Variants in SNX29 observed in about 807,000 individuals in gnomAD.
SNX29 encodes the protein sorting nexin-29.
SNX29 carries 78 observed loss-of-function variants against 102.1 expected under a neutral mutation model. The ratio of observed to expected loss-of-function variants is 0.76; its 90% CI spans 0.64 to 0.92. The LOEUF (loss-of-function observed/expected upper bound fraction) is 0.92. Ranked by LOEUF, SNX29 falls within the 40% of genes least tolerant of loss-of-function variation. The pLI, the probability that SNX29 is intolerant of heterozygous loss-of-function variation, is 0.00. For synonymous variants in SNX29, 580 were observed against 414.5 expected (o/e 1.40, Z -4.85); for missense variants, 1,280 against 1,061.7 (o/e 1.21, Z -2.86).
intron 14 of SNX29, among the ~76,000 whole-genome samples, chr16:12,241,441 T>C (rs1465207035): frequency 6.6e-6 from 1 of 152,106 alleles, no homozygotes; most frequent in Non-Finnish European, 1.5e-5. Context: ...TGTTGGTCTG[T>C]CTGTATTTCT....
intron 5 of SNX29, among the ~76,000 whole-genome samples, chr16:12,045,787 C>G (rs2050063534): frequency 6.6e-6 from 1 of 151,928 alleles, no homozygotes; most frequent in Admixed American, 6.6e-5. Flanking sequence ...CCATGCCTGG[C>G]TAATTTTTTA....
chr16:12,436,021 G>A (rs1253714937), intron 18 of SNX29, among the ~76,000 whole-genome samples: 1 of 152,202 alleles, frequency 6.6e-6, no homozygotes. Flanking sequence ...TGCTCCTGGG[G>A]CAGCTGCTAG....
intron 19 of SNX29, among the ~76,000 whole-genome samples, chr16:12,500,235 C>T (rs547457577): frequency 1.3e-4 from 20 of 152,242 alleles, no homozygotes; most frequent in Non-Finnish European, 8.8e-5. Context: ...TGGACTCAAG[C>T]AAACCTCGTG....
chr16:12,319,023 G>A (rs1022004355), intron 15 of SNX29, among the ~76,000 whole-genome samples: 11 of 152,148 alleles, frequency 7.2e-5, no homozygotes, highest in Admixed American at 2.0e-4. Context: ...AAACTTGTTT[G>A]TGGAGGCCTG....
chr16:12,508,063 C>A (rs147204839), intron 19 of SNX29, among the ~76,000 whole-genome samples: 1 of 152,248 alleles, frequency 6.6e-6, no homozygotes, highest in African/African-American at 2.4e-5. Context: ...TAATTGATCT[C>A]TGTGAGTTTC....
At chr16:12,094,235 G>A (rs4781178) in intron 11 of SNX29, among the ~76,000 whole-genome samples, 8,094 of 152,186 alleles carry the variant, frequency 0.053, 239 homozygotes, top group African/African-American at 0.069. Context: ...CTGAGCTATC[G>A]AAGGGTGTTA....
At chr16:12,120,280 G>C (rs2053917590) in intron 11 of SNX29, among the ~76,000 whole-genome samples, 2 of 152,322 alleles carry the variant, frequency 1.3e-5, no homozygotes, top group South Asian at 4.1e-4. Context: ...GTGCCCTCAT[G>C]AGCTCTGTCT....
At chr16:12,235,514 T>C (rs2077899902) in intron 14 of SNX29, among the ~76,000 whole-genome samples, 1 of 152,158 alleles carries the variant, frequency 6.6e-6, no homozygotes, top group Non-Finnish European at 1.5e-5. Flanking sequence ...AGGAGTTTTA[T>C]TATGGAAATC....
rs749955365 is a variant in SNX29, at chr16:12,573,262, C to G, written c.*4633C>G. ...TGAAATGTACCTCGATCAGTCATCT[C>G]TGGTATTCCTCACTCTAGCCATGAG... On this transcript the variant is annotated 3_prime_UTR_variant, in exon 21 of 21. Transcript: ENST00000566228. 9.2e-5 allele frequency: 21 copies of G among 227,500 alleles called. No homozygotes were observed. Among genetic ancestry groups the G allele is most frequent in the Middle Eastern group, 1.3e-3 (1 of 772 alleles). 14.1% of individuals were successfully genotyped at this position (227,500 alleles called of 1,614,324 possible).
chr16:12,400,135 A>G (rs7187313), intron 17 of SNX29, among the ~76,000 whole-genome samples: 77,347 of 151,854 alleles, frequency 0.51, 20,269 homozygotes, highest in Non-Finnish European at 0.58. Context: ...ACTCATCTAC[A>G]CTAAAGCCAG....
chr16:12,438,731 T>C (rs2085654858), intron 18 of SNX29, among the ~76,000 whole-genome samples: 1 of 152,172 alleles, frequency 6.6e-6, no homozygotes, highest in Non-Finnish European at 1.5e-5. Context: ...CCAGGGACTT[T>C]TGAGCACATT....
At chr16:12,194,070 C>G (rs573538147) in intron 13 of SNX29, among the ~76,000 whole-genome samples, 2 of 152,238 alleles carry the variant, frequency 1.3e-5, no homozygotes, top group South Asian at 4.1e-4. Flanking sequence ...ATTTATAGAT[C>G]AATTTTGGGG....
At chr16:12,534,623 C>G (rs943568587) in intron 20 of SNX29, among the ~76,000 whole-genome samples, 2 of 152,168 alleles carry the variant, frequency 1.3e-5, no homozygotes, top group East Asian at 1.9e-4. Flanking sequence ...AAAGCAAATT[C>G]CATTCATGGG....
At chr16:11,980,940 T>C (rs2150959063) in intron 1 of SNX29, among the ~76,000 whole-genome samples, 1 of 152,026 alleles carries the variant, frequency 6.6e-6, no homozygotes, top group Middle Eastern at 3.4e-3. Context: ...TCCCCTTCCA[T>C]GGTTTGTCTT....
At chr16:12,389,739 C>G (rs1023478943) in intron 16 of SNX29, among the ~76,000 whole-genome samples, 2 of 152,156 alleles carry the variant, frequency 1.3e-5, no homozygotes, top group African/African-American at 4.8e-5. Context: ...TAGGAGAACA[C>G]AGGGAGGGCT....
At chr16:12,254,554 T>G (rs745552158) in intron 14 of SNX29, among the ~76,000 whole-genome samples, 1 of 151,586 alleles carries the variant, frequency 6.6e-6, no homozygotes, top group Non-Finnish European at 1.5e-5. Flanking sequence ...GGCAGGAGAA[T>G]CGCTTGAACC....
At chr16:12,436,170 G>A (rs1380552832) in intron 18 of SNX29, among the ~76,000 whole-genome samples, 2 of 152,172 alleles carry the variant, frequency 1.3e-5, no homozygotes, top group Non-Finnish European at 2.9e-5. Context: ...GGCGATGCCC[G>A]AGACCCCTGC....
chr16:12,472,538 A>C (rs2087400872), intron 18 of SNX29, among the ~76,000 whole-genome samples: 3 of 149,880 alleles, frequency 2.0e-5, no homozygotes, highest in Non-Finnish European at 4.4e-5. Flanking sequence ...CCAAAAAAAA[A>C]AAAAACAAAA....
At chr16:12,260,221 G>A (rs1360838733) in intron 14 of SNX29, among the ~76,000 whole-genome samples, 1 of 152,208 alleles carries the variant, frequency 6.6e-6, no homozygotes, top group Non-Finnish European at 1.5e-5. Context: ...TTTCAGGGAT[G>A]ATGAGTCCTC....
Sources: allele counts gnomAD v4.1 joint callset (sites outside exome capture counted in the v4.1 genomes callset), GRCh38; gene constraint gnomAD v4.1.1; transcripts MANE v1.5; gene names NCBI Gene and HGNC (gene_info 2026-07-23, HGNC 2026-07-21).